The following CSMD1 variants were observed in gnomAD, a reference collection of about 807,000 sequenced individuals.
CSMD1 encodes the protein CUB and Sushi multiple domains 1, also known as CUB and sushi domain-containing protein 1.
In CSMD1, 213 loss-of-function variants were observed where a neutral mutation model predicts 417.5. The observed-to-expected ratio is 0.51, with a 90% CI of 0.46 to 0.57. CSMD1 has a LOEUF of 0.57. Among genes scored for constraint, CSMD1 ranks in the 20% least tolerant of loss-of-function variants. The probability of loss-of-function intolerance (pLI) is 0.00; values close to 1 mark genes in which losing one functional copy is unlikely to be tolerated. For synonymous variants in CSMD1, 2,862 were observed against 1,736.8 expected (o/e 1.65, Z -16.11); for missense variants, 6,923 against 4,529.7 (o/e 1.53, Z -15.17).
chr8:3,850,564 T>C (rs1803829862), intron 5 of CSMD1, among the ~76,000 whole-genome samples: 1 of 151,996 alleles, frequency 6.6e-6, no homozygotes, highest in Admixed American at 6.6e-5. Context: ...GCATGATGGC[T>C]CTCACCTGTT....
chr8:4,027,081 G>T (rs1797101537), intron 4 of CSMD1, among the ~76,000 whole-genome samples: 1 of 152,178 alleles, frequency 6.6e-6, no homozygotes, highest in Non-Finnish European at 1.5e-5. Flanking sequence ...AGCCAGGATA[G>T]GTCGGCCACA....
chr8:4,854,047 TAC>T, intron 1 of CSMD1, among the ~76,000 whole-genome samples: 1 of 152,264 alleles, frequency 6.6e-6, no homozygotes, highest in South Asian at 2.1e-4. Context: ...GTTTTTATTT[TAC>T]AGTCTCACAG....
chr8:4,253,536 G>A (rs558323732), intron 3 of CSMD1, among the ~76,000 whole-genome samples: 1 of 152,114 alleles, frequency 6.6e-6, no homozygotes, highest in Non-Finnish European at 1.5e-5. Context: ...AGAAAAGGAT[G>A]ATGTTATTTA....
intron 3 of CSMD1, among the ~76,000 whole-genome samples, chr8:4,317,974 A>C (rs1799032545): frequency 6.6e-6 from 1 of 152,218 alleles, no homozygotes; most frequent in Admixed American, 6.6e-5. Flanking sequence ...GGTATTTTAT[A>C]ATAGTTATTG....
At chr8:3,527,751 T>C (rs1355313350) in intron 10 of CSMD1, among the ~76,000 whole-genome samples, 2 of 152,182 alleles carry the variant, frequency 1.3e-5, no homozygotes, top group Non-Finnish European at 2.9e-5. Context: ...ACAGGACTTC[T>C]CTGTACTGTT....
At chr8:4,616,651 G>A (rs928245141) in intron 2 of CSMD1, among the ~76,000 whole-genome samples, 7 of 152,142 alleles carry the variant, frequency 4.6e-5, no homozygotes, top group African/African-American at 7.2e-5. Context: ...ACATGCCAAC[G>A]CTTGAGAAAG....
chr8:3,836,449 T>C (rs943175751), intron 5 of CSMD1, among the ~76,000 whole-genome samples: 7 of 152,112 alleles, frequency 4.6e-5, no homozygotes, highest in Non-Finnish European at 1.0e-4. Flanking sequence ...ATTTCTGCAT[T>C]AATAGGGAAA....
intron 30 of CSMD1, among the ~76,000 whole-genome samples, chr8:3,212,323 A>C (rs972885396): frequency 6.6e-6 from 1 of 152,230 alleles, no homozygotes; most frequent in Admixed American, 6.5e-5. Context: ...GGACTGATGC[A>C]TAACCTGGCC....
intron 23 of CSMD1, among the ~76,000 whole-genome samples, chr8:3,342,913 G>GTGTGTGTA (rs1384520906): frequency 6.6e-6 from 1 of 151,872 alleles, no homozygotes; most frequent in Non-Finnish European, 1.5e-5. Flanking sequence ...GTGTGTGTGT[G>GTGTGTGTA]TGTCATTCAA....
chr8:3,473,368 GC>G (rs1378449706), intron 11 of CSMD1, among the ~76,000 whole-genome samples: 1 of 152,090 alleles, frequency 6.6e-6, no homozygotes, highest in Non-Finnish European at 1.5e-5. Flanking sequence ...TGTAATTACA[GC>G]TTATTATAGT....
At chr8:3,482,738 G>T (rs916631039) in intron 11 of CSMD1, among the ~76,000 whole-genome samples, 1 of 152,092 alleles carries the variant, frequency 6.6e-6, no homozygotes, top group Non-Finnish European at 1.5e-5. Context: ...CCAGATAATA[G>T]ATCTTGACAT....
At chr8:4,575,060 G>C (rs1054217001) in intron 2 of CSMD1, among the ~76,000 whole-genome samples, 1 of 152,144 alleles carries the variant, frequency 6.6e-6, no homozygotes, top group Non-Finnish European at 1.5e-5. Context: ...AAGTATACTT[G>C]TAATTTACTA....
At chr8:3,855,268 A>G (rs1446097889) in intron 5 of CSMD1, among the ~76,000 whole-genome samples, 1 of 152,214 alleles carries the variant, frequency 6.6e-6, no homozygotes, top group Admixed American at 6.5e-5. Context: ...ACTATATTGC[A>G]TACAAAAATC....
At chr8:3,385,392 A>T (rs1235464923) in intron 18 of CSMD1, among the ~76,000 whole-genome samples, 1 of 151,372 alleles carries the variant, frequency 6.6e-6, no homozygotes, top group Non-Finnish European at 1.5e-5. Context: ...AATAAGTTAT[A>T]TCCTATGCGG....
intron 12 of CSMD1, among the ~76,000 whole-genome samples, chr8:3,440,046 G>C (rs953872341): frequency 6.6e-5 from 10 of 152,128 alleles, no homozygotes; most frequent in African/African-American, 2.2e-4. Context: ...ACATGGTCTT[G>C]ATTACTGGAG....
intron 1 of CSMD1, among the ~76,000 whole-genome samples, chr8:4,965,849 G>A (rs1327579029): frequency 2.6e-5 from 4 of 152,034 alleles, no homozygotes; most frequent in Non-Finnish European, 4.4e-5. Flanking sequence ...TTGATTGGAG[G>A]ATAAACATGT....
intron 5 of CSMD1, among the ~76,000 whole-genome samples, chr8:3,771,348 G>C (rs552967846): frequency 6.6e-6 from 1 of 152,278 alleles, no homozygotes; most frequent in Non-Finnish European, 1.5e-5. Context: ...AGAACGCTTA[G>C]AAATTCAGAC....
intron 5 of CSMD1, among the ~76,000 whole-genome samples, chr8:3,862,133 T>A (rs1171583578): frequency 6.6e-6 from 1 of 152,196 alleles, no homozygotes; most frequent in African/African-American, 2.4e-5. Flanking sequence ...TCTGCCCTGC[T>A]GTGAATTTAA....
At chr8:3,990,178 T>A (rs1457716729) in intron 5 of CSMD1, among the ~76,000 whole-genome samples, 1 of 152,204 alleles carries the variant, frequency 6.6e-6, no homozygotes, top group African/African-American at 2.4e-5. Context: ...AAGGGCCACA[T>A]ACAAAAAGAA....
Sources: gnomAD v4.1 joint callset for allele counts (sites outside exome capture counted in the v4.1 genomes callset) on GRCh38, gnomAD v4.1.1 for gene constraint, MANE v1.5 for transcripts, NCBI Gene and HGNC (gene_info 2026-07-23, HGNC 2026-07-21) for gene names.